The following LUZP2 variants were observed in gnomAD, a reference collection of about 807,000 sequenced individuals.
LUZP2 encodes leucine zipper protein 2.
In LUZP2, 52 loss-of-function variants were observed where a neutral mutation model predicts 51.6. The ratio of observed to expected loss-of-function variants is 1.01; its 90% CI spans 0.81 to 1.27. The LOEUF (loss-of-function observed/expected upper bound fraction) is 1.27. LUZP2 is among the 50% of genes most tolerant of loss of function. The pLI, the probability that LUZP2 is intolerant of heterozygous loss-of-function variation, is 0.00. For missense variants in LUZP2, 436 were observed against 395.4 expected (o/e 1.10, Z -0.87); for synonymous variants, 154 against 137.3 (o/e 1.12, Z -0.85).
At chr11:24,542,552 C>T (rs1429022185) in intron 1 of LUZP2, among the ~76,000 whole-genome samples, 2 of 151,384 alleles carry the variant, frequency 1.3e-5, no homozygotes, top group Non-Finnish European at 2.9e-5. Context: ...TTCTTCCTAT[C>T]ATGAGGAGTG....
chr11:24,826,190 A>AAATATATATATATATATATATAT (rs1215786412), intron 5 of LUZP2, among the ~76,000 whole-genome samples: 1 of 67,552 alleles, frequency 1.5e-5, no homozygotes, highest in African/African-American at 5.9e-5. Context: ...AAAAAAAAAA[A>AAATATATATATATATATATATAT]ATATATATAT....
intron 5 of LUZP2, among the ~76,000 whole-genome samples, chr11:24,769,013 TA>T (rs546058581): frequency 2.0e-5 from 3 of 152,126 alleles, no homozygotes; most frequent in Non-Finnish European, 4.4e-5. Flanking sequence ...GATGAATGGA[TA>T]AAAATGTGGT....
chr11:24,612,858 G>A (rs1396840), intron 1 of LUZP2, among the ~76,000 whole-genome samples: 20,230 of 151,892 alleles, frequency 0.13, 1,709 homozygotes, highest in East Asian at 0.24. Flanking sequence ...TTTTCTTTAG[G>A]GAGGTGCATC....
chr11:24,624,359 G>C (rs940883782), intron 1 of LUZP2, among the ~76,000 whole-genome samples: 1 of 151,966 alleles, frequency 6.6e-6, no homozygotes, highest in African/African-American at 2.4e-5. Flanking sequence ...TGTTTTAGAG[G>C]CAGAGTGAGA....
At chr11:24,760,783 G>C (rs1335768999) in intron 4 of LUZP2, among the ~76,000 whole-genome samples, 1 of 152,162 alleles carries the variant, frequency 6.6e-6, no homozygotes, top group African/African-American at 2.4e-5. Flanking sequence ...TCTTGAAGAT[G>C]TCAGAAAGAG....
At chr11:24,656,940 T>G (rs1022934176) in intron 1 of LUZP2, among the ~76,000 whole-genome samples, 3 of 152,176 alleles carry the variant, frequency 2.0e-5, no homozygotes, top group Non-Finnish European at 2.9e-5. Context: ...TTATTGCATT[T>G]GTAAAGTCCC....
At chr11:24,843,365 T>A (rs1053241602) in intron 5 of LUZP2, among the ~76,000 whole-genome samples, 4 of 152,112 alleles carry the variant, frequency 2.6e-5, no homozygotes, top group African/African-American at 9.7e-5. Context: ...GATTTTTTGG[T>A]GCAACAATTT....
chr11:25,074,912 A>G (rs1021636704), intron 10 of LUZP2, among the ~76,000 whole-genome samples: 1 of 152,142 alleles, frequency 6.6e-6, no homozygotes, highest in African/African-American at 2.4e-5. Context: ...TTAATGTTGA[A>G]ATCAATTTTT....
intron 1 of LUZP2, among the ~76,000 whole-genome samples, chr11:24,618,938 C>G (rs1283263536): frequency 6.6e-6 from 1 of 152,022 alleles, no homozygotes; most frequent in Non-Finnish European, 1.5e-5. Context: ...CATGCTTCAG[C>G]TAGAAGTTTT....
At chr11:24,962,082 C>G (rs964419095) in intron 7 of LUZP2, among the ~76,000 whole-genome samples, 30 of 152,166 alleles carry the variant, frequency 2.0e-4, no homozygotes, top group Admixed American at 9.2e-4. Flanking sequence ...GGCCCCCACT[C>G]TCTTCTGGCT....
intron 4 of LUZP2, 122 bp from the exon 5 acceptor site, chr11:24,763,124 C>A (rs1860042137): frequency 1.8e-6 from 1 of 554,476 alleles, no homozygotes; most frequent in Non-Finnish European, 2.8e-6. Flanking sequence ...CAGTGTAATT[C>A]TTTGTTCTTT....
chr11:25,052,954 C>A (rs987071776), intron 10 of LUZP2, among the ~76,000 whole-genome samples: 1 of 151,976 alleles, frequency 6.6e-6, no homozygotes. Context: ...TTTTTAATGT[C>A]CTTAATAAAA....
intron 9 of LUZP2, among the ~76,000 whole-genome samples, chr11:25,006,145 G>A (rs1387540079): frequency 6.6e-6 from 1 of 152,066 alleles, no homozygotes; most frequent in African/African-American, 2.4e-5. Flanking sequence ...TTTCTGATTG[G>A]TGAGCCCGGG....
intron 9 of LUZP2, among the ~76,000 whole-genome samples, chr11:25,029,661 C>A (rs1246200869): frequency 6.7e-6 from 1 of 148,632 alleles, no homozygotes; most frequent in Non-Finnish European, 1.5e-5. Context: ...CATTTGAACC[C>A]GGGAGGCGGA....
At chr11:24,542,324 A>G (rs1461167849) in intron 1 of LUZP2, among the ~76,000 whole-genome samples, 1 of 152,028 alleles carries the variant, frequency 6.6e-6, no homozygotes, top group African/African-American at 2.4e-5. Context: ...TGTACATGAG[A>G]GAATAGAACA....
chr11:25,033,310 T>A (rs1857750636), intron 9 of LUZP2, among the ~76,000 whole-genome samples: 1 of 152,174 alleles, frequency 6.6e-6, no homozygotes, highest in Admixed American at 6.6e-5. Flanking sequence ...TCCAGCTAGG[T>A]GCCCGGTATG....
At chr11:24,896,154 G>T (rs557076876) in intron 5 of LUZP2, among the ~76,000 whole-genome samples, 1 of 152,210 alleles carries the variant, frequency 6.6e-6, no homozygotes. Context: ...GCTGGCCTTC[G>T]GTTCCTCCTC....
intron 1 of LUZP2, among the ~76,000 whole-genome samples, chr11:24,592,801 T>G (rs185781225): frequency 6.6e-6 from 1 of 152,278 alleles, no homozygotes; most frequent in African/African-American, 2.4e-5. Context: ...AGTAAAATAT[T>G]TTATTTAAAA....
At chr11:24,557,466 C>G (rs553128737) in intron 1 of LUZP2, among the ~76,000 whole-genome samples, 2 of 152,172 alleles carry the variant, frequency 1.3e-5, no homozygotes, top group South Asian at 4.1e-4. Flanking sequence ...ATAGACATAT[C>G]TTATGAATTT....
Sources: gnomAD v4.1 joint callset for allele counts (sites outside exome capture counted in the v4.1 genomes callset) on GRCh38, gnomAD v4.1.1 for gene constraint, MANE v1.5 for transcripts, NCBI Gene and HGNC (gene_info 2026-07-23, HGNC 2026-07-21) for gene names.